NXPH1: variants seen among roughly 807,000 people sequenced by gnomAD.
NXPH1 encodes the protein neurexophilin-1.
NXPH1 carries 5 observed loss-of-function variants against 23.7 expected under a neutral mutation model. The ratio of observed to expected loss-of-function variants is 0.21; its 90% CI spans 0.11 to 0.44. The LOEUF (loss-of-function observed/expected upper bound fraction) is 0.44, where lower values mean the gene tolerates loss of function less well. Ranked by LOEUF, NXPH1 falls within the 20% of genes least tolerant of loss-of-function variation. The probability of loss-of-function intolerance (pLI) is 0.99; values close to 1 mark genes in which losing one functional copy is unlikely to be tolerated. For synonymous variants in NXPH1, 144 were observed against 122.2 expected, an observed-to-expected ratio of 1.18 and a Z score of -1.18; for missense variants, 324 against 321.6, an observed-to-expected ratio of 1.01 and a Z score of -0.06.
chr7:8,698,972 T>A (rs1338760509), intron 2 of NXPH1, among the ~76,000 whole-genome samples: 1 of 152,146 alleles, frequency 6.6e-6, no homozygotes, highest in Non-Finnish European at 1.5e-5. Context: ...CTGCTTAAAT[T>A]CTTGGTGCAA....
In NXPH1 at chr7:8,435,404, C is replaced by T. The variant is rs1584152533; in HGVS notation, c.-110-200C>T. 6.4e-6 allele frequency: 3 copies of T among 469,498 alleles called. No individual in the cohort carries two copies. The highest frequency in any genetic ancestry group is 1.2e-5 in the Non-Finnish European group (3 of 259,646). The allele number at this position is 469,498 out of a possible 1,614,324, so 29.1% of individuals were successfully genotyped here. A position where few individuals can be genotyped will look rare whatever the true frequency, so the allele number is the denominator to read the frequency against. On this transcript the variant is annotated intron_variant, in intron 1 of 2. Coordinates refer to ENST00000405863, the MANE Select transcript of NXPH1 (RefSeq NM_152745.3). The surrounding 1 kb of genome is among the most constrained non-coding windows in gnomAD (Gnocchi z 5.9). Reference sequence around the variant, plus strand: ...AGGAGCCCCTCACCCTCCCTCTCGTCCGCCCGCCCGCCTCCCCAGCTGCGG... The same window carrying T: ...AGGAGCCCCTCACCCTCCCTCTCGTTCGCCCGCCCGCCTCCCCAGCTGCGG...
intron 2 of NXPH1, among the ~76,000 whole-genome samples, chr7:8,642,180 A>G (rs1820324408): frequency 1.3e-5 from 2 of 152,194 alleles, no homozygotes; most frequent in Admixed American, 1.3e-4. Flanking sequence ...TTTTACGGGT[A>G]CTTTGCAGGA....
intron 2 of NXPH1, among the ~76,000 whole-genome samples, chr7:8,447,466 A>C (rs906426483): frequency 6.6e-6 from 1 of 152,270 alleles, no homozygotes; most frequent in Non-Finnish European, 1.5e-5. Flanking sequence ...CGTCTTTCAC[A>C]AGAAATATAT....
intron 2 of NXPH1, among the ~76,000 whole-genome samples, chr7:8,550,814 T>G (rs577945819): frequency 2.0e-5 from 3 of 151,674 alleles, no homozygotes; most frequent in South Asian, 2.1e-4. Flanking sequence ...TTTTAAATTT[T>G]AAATTTGAAA....
chr7:8,481,867 T>C (rs751992163), intron 2 of NXPH1, among the ~76,000 whole-genome samples: 2 of 152,154 alleles, frequency 1.3e-5, no homozygotes, highest in Non-Finnish European at 2.9e-5. Flanking sequence ...ATTGTTACCA[T>C]CCAAATGACT....
chr7:8,652,575 G>A (rs114982700), intron 2 of NXPH1, among the ~76,000 whole-genome samples: 2,042 of 152,168 alleles, frequency 0.013, 48 homozygotes, highest in African/African-American at 0.046. Flanking sequence ...CACAATTTTT[G>A]AGCACCTACT....
intron 2 of NXPH1, among the ~76,000 whole-genome samples, chr7:8,603,351 G>A (rs1398497899): frequency 6.6e-6 from 1 of 152,280 alleles, no homozygotes; most frequent in East Asian, 1.9e-4. Flanking sequence ...GTATTACAGA[G>A]TGTTCTTAGT....
intron 2 of NXPH1, among the ~76,000 whole-genome samples, chr7:8,575,755 A>T (rs1818742603): frequency 7.7e-6 from 1 of 130,594 alleles, no homozygotes; most frequent in Non-Finnish European, 1.5e-5. Context: ...TTGGGCAATG[A>T]TCTTTTTTTT....
intron 2 of NXPH1, among the ~76,000 whole-genome samples, chr7:8,536,815 G>A (rs777898417): frequency 4.6e-5 from 7 of 151,852 alleles, no homozygotes; most frequent in African/African-American, 1.5e-4. Context: ...CTTGGAAATC[G>A]GATCAAGAGG....
At chr7:8,701,462 A>T (rs1383966321) in intron 2 of NXPH1, among the ~76,000 whole-genome samples, 1 of 151,970 alleles carries the variant, frequency 6.6e-6, no homozygotes, top group Non-Finnish European at 1.5e-5. Flanking sequence ...AGTACTTCTT[A>T]TTGTTCTCCC....
intron 2 of NXPH1, among the ~76,000 whole-genome samples, chr7:8,619,052 C>A (rs1274690267): frequency 6.6e-6 from 1 of 152,098 alleles, no homozygotes; most frequent in Non-Finnish European, 1.5e-5. Flanking sequence ...TCAGTGAATT[C>A]CTGTGACATT....
At chr7:8,713,395 T>G (rs576166350) in intron 2 of NXPH1, among the ~76,000 whole-genome samples, 29 of 152,228 alleles carry the variant, frequency 1.9e-4, no homozygotes, top group Non-Finnish European at 3.5e-4. Flanking sequence ...AAAAAACTCT[T>G]TTGAATTCTC....
chr7:8,505,088 A>T (rs1360719045), intron 2 of NXPH1, among the ~76,000 whole-genome samples: 3 of 151,964 alleles, frequency 2.0e-5, no homozygotes, highest in Non-Finnish European at 4.4e-5. Context: ...ATTTTTTTTA[A>T]ATTCAATTTT....
intron 2 of NXPH1, among the ~76,000 whole-genome samples, chr7:8,633,189 T>C (rs1455547898): frequency 6.6e-6 from 1 of 152,098 alleles, no homozygotes; most frequent in East Asian, 1.9e-4. Context: ...TCCCGTCACT[T>C]TGGGAGGATG....
At chr7:8,726,688 G>T (rs1195594459) in intron 2 of NXPH1, among the ~76,000 whole-genome samples, 2 of 149,142 alleles carry the variant, frequency 1.3e-5, no homozygotes, top group African/African-American at 5.0e-5. Flanking sequence ...TGGCTGCATA[G>T]TATTCCATGG....
intron 2 of NXPH1, among the ~76,000 whole-genome samples, chr7:8,684,951 G>A (rs1045771138): frequency 5.9e-5 from 9 of 152,050 alleles, no homozygotes; most frequent in Non-Finnish European, 8.8e-5. Flanking sequence ...GCTCAAATTC[G>A]CCATGTTGCA....
At chr7:8,516,147 C>G (rs908645417) in intron 2 of NXPH1, among the ~76,000 whole-genome samples, 1 of 152,078 alleles carries the variant, frequency 6.6e-6, no homozygotes, top group African/African-American at 2.4e-5. Flanking sequence ...TTATCAAGAC[C>G]ATTTTTTGAT....
At chr7:8,685,806 G>C (rs545796169) in intron 2 of NXPH1, among the ~76,000 whole-genome samples, 65 of 145,056 alleles carry the variant, frequency 4.5e-4, no homozygotes, top group African/African-American at 1.6e-3. Context: ...GGGGAAGTGG[G>C]GATGGTTAAT....
chr7:8,639,664 G>A (rs1005024668), intron 2 of NXPH1, among the ~76,000 whole-genome samples: 1 of 152,160 alleles, frequency 6.6e-6, no homozygotes, highest in East Asian at 1.9e-4. Context: ...GTATCTCCCA[G>A]AATTCCCACG....
Sources: allele counts gnomAD v4.1 joint callset (sites outside exome capture counted in the v4.1 genomes callset), GRCh38; gene constraint gnomAD v4.1.1; non-coding constraint Gnocchi (gnomAD v3.1); transcripts MANE v1.5; gene names NCBI Gene and HGNC (gene_info 2026-07-23, HGNC 2026-07-21).